POLK: variants seen among roughly 807,000 people sequenced by gnomAD.
The protein encoded by POLK is polymerase (DNA directed) kappa.
A neutral mutation model predicts 94.0 loss-of-function variants in POLK; 76 were observed. That is an observed-to-expected ratio of 0.81 (90% CI 0.67 to 0.98). The LOEUF (loss-of-function observed/expected upper bound fraction) is 0.98, where lower values mean the gene tolerates loss of function less well. POLK is among the 50% of genes least tolerant of loss of function. POLK has a pLI of 0.00. For synonymous variants in POLK, 349 were observed against 325.4 expected, an observed-to-expected ratio of 1.07 and a Z score of -0.78; for missense variants, 954 against 1,010.1, an observed-to-expected ratio of 0.94 and a Z score of 0.75.
intron 1 of POLK, among the ~76,000 whole-genome samples, chr5:75,534,507 G>A (rs568701428): frequency 1.3e-5 from 2 of 152,150 alleles, no homozygotes; most frequent in South Asian, 4.1e-4. Flanking sequence ...ATTGGGTTCT[G>A]TCCAAATATG....
intron 5 of POLK, among the ~76,000 whole-genome samples, chr5:75,575,391 G>A (rs1771821777): frequency 1.3e-5 from 2 of 152,104 alleles, no homozygotes; most frequent in African/African-American, 2.4e-5. Flanking sequence ...ATGTTGCTCA[G>A]GCTAGGCTTA....
rs535921422 is a variant in POLK at position 75,558,221 on chromosome 5, T to C, written c.255+5630T>C. The stretch of plus-strand genomic sequence containing the variant: ...ACTAGTTCCAGGAACAATATTCTTA[T>C]AATTTTTGTTGTTGTTTTTTTTTTT... On this transcript the variant is annotated intron_variant, in intron 3 of 14. Coordinates refer to ENST00000241436, the Ensembl canonical transcript of POLK. Among the ~76,000 whole-genome samples the C allele has an allele frequency of 7.2e-5, 11 of 151,856 alleles. No homozygotes were observed. In the East Asian group the frequency reaches 1.9e-3, roughly 27 times the overall value.
At chr5:75,541,902 T>C (rs1580971217) in intron 1 of POLK, among the ~76,000 whole-genome samples, 3 of 152,332 alleles carry the variant, frequency 2.0e-5, no homozygotes, top group Admixed American at 2.0e-4. Flanking sequence ...GTTAAAGTCT[T>C]GAATTGTGAT....
Position 75,511,805 on chromosome 5 carries a change from A to T in POLK, c.-123A>T, listed in dbSNP as rs1315326758. The T allele has an allele frequency of 3.2e-6, 5 of 1,551,412 alleles. No individual in the cohort carries two copies. The Admixed American group carries it at 9.8e-5, about 30-fold the overall frequency. ...ACGGGTAGAAAAGCAGGAGGAGCGG[A>T]GAAAGGAGAGGGCGGGGTAGGGATG... On this transcript the variant is annotated 5_prime_UTR_variant, in exon 1 of 15. Transcript: ENST00000241436.
At chr5:75,606,501 C>G in the POLK span, among the ~76,000 whole-genome samples, 13 of 99,020 alleles carry the variant, frequency 1.3e-4, no homozygotes, top group Non-Finnish European at 2.6e-4. Flanking sequence ...GTCCCTGCGG[C>G]CTTCCGCAGT....
intron 1 of POLK, among the ~76,000 whole-genome samples, chr5:75,539,461 G>A (rs1203053691): frequency 1.3e-5 from 2 of 152,028 alleles, no homozygotes; most frequent in African/African-American, 4.8e-5. Context: ...GGTAACAATC[G>A]CAATGTATGT....
At chr5:75,542,601 A>G (rs1442965811) in intron 1 of POLK, among the ~76,000 whole-genome samples, 3 of 150,626 alleles carry the variant, frequency 2.0e-5, no homozygotes, top group Non-Finnish European at 4.4e-5. Context: ...GTGTGTGTGT[A>G]TATACACATA....
chr5:75,552,579 A>G (rs1770387258), exon 3 of POLK: 3 of 1,609,536 alleles, frequency 1.9e-6, no homozygotes, highest in Non-Finnish European at 2.5e-6. Context: ...AGCTAAGAAA[A>G]GCACAATTAC....
At chr5:75,590,424 A>G (rs755891838) in exon 11 of POLK, 1 of 1,604,004 alleles carries the variant, frequency 6.2e-7, no homozygotes, top group Non-Finnish European at 8.5e-7. Context: ...CAGGATCTAC[A>G]GAAAGAAAGA....
At chr5:75,526,595 T>C (rs1231962925) in intron 1 of POLK, among the ~76,000 whole-genome samples, 1 of 150,406 alleles carries the variant, frequency 6.6e-6, no homozygotes, top group African/African-American at 2.4e-5. Context: ...TTTCTTTTTT[T>C]TTTGGAGACA....
chr5:75,550,585 A>G (rs2112653713), intron 2 of POLK, among the ~76,000 whole-genome samples: 1 of 152,276 alleles, frequency 6.6e-6, no homozygotes, highest in East Asian at 1.9e-4. Flanking sequence ...TCTCAGAAAA[A>G]GATAAAAAAA....
chr5:75,590,071 T>C (rs1403561581), intron 10 of POLK, among the ~76,000 whole-genome samples: 1 of 152,220 alleles, frequency 6.6e-6, no homozygotes, highest in Admixed American at 6.5e-5. Context: ...TACCATTATC[T>C]GTTGGTAATT....
intron 6 of POLK, among the ~76,000 whole-genome samples, chr5:75,577,872 T>TA (rs1219181005): frequency 2.0e-5 from 3 of 152,194 alleles, no homozygotes; most frequent in East Asian, 1.9e-4. Context: ...TCTTTTTTTT[T>TA]ATAGGAGCAT....
chr5:75,530,492 C>T (rs1237467376), intron 1 of POLK, among the ~76,000 whole-genome samples: 4 of 147,492 alleles, frequency 2.7e-5, no homozygotes, highest in East Asian at 2.0e-4. Context: ...GTAACCTCCA[C>T]CTCCCAGGTT....
At chr5:75,526,771 G>A (rs938182519) in intron 1 of POLK, among the ~76,000 whole-genome samples, 7 of 151,808 alleles carry the variant, frequency 4.6e-5, no homozygotes, top group African/African-American at 1.2e-4. Context: ...TAGTAGAGAC[G>A]TATTTTGCCA....
intron 1 of POLK, among the ~76,000 whole-genome samples, chr5:75,533,793 G>C (rs1173720269): frequency 6.6e-6 from 1 of 152,078 alleles, no homozygotes; most frequent in African/African-American, 2.4e-5. Flanking sequence ...TCTCATTGTA[G>C]AGCTATTTCA....
intron 3 of POLK, among the ~76,000 whole-genome samples, chr5:75,559,952 G>A (rs1278749910): frequency 6.6e-6 from 1 of 152,058 alleles, no homozygotes; most frequent in East Asian, 1.9e-4. Flanking sequence ...TAATAGAAAT[G>A]GGATATTTAT....
In POLK at chr5:75,590,457, TG is replaced by T. The variant is rs752895153; in HGVS notation, c.1356+19del. The T allele has an allele frequency of 1.4e-6, 2 of 1,454,572 alleles. No individual in the cohort carries two copies. The highest frequency in any genetic ancestry group is 9.6e-7 in the Non-Finnish European group (1 of 1,036,312). 90.1% of individuals were successfully genotyped at this position (1,454,572 alleles called of 1,614,324 possible). On this transcript the variant is annotated intron_variant, in intron 11 of 14. Transcript: ENST00000241436. ...AGACTTAAGGTGCTTTATTTTGATA[TG>T]GTGTCCTTAGTTTTTAAGTTTTTTA...
chr5:75,575,428 G>C (rs1771823355), intron 5 of POLK, among the ~76,000 whole-genome samples: 1 of 152,124 alleles, frequency 6.6e-6, no homozygotes, highest in South Asian at 2.1e-4. Context: ...AAATTATCCT[G>C]CCCAGGCCTC....
Sources: gnomAD v4.1 joint callset for allele counts (sites outside exome capture counted in the v4.1 genomes callset) on GRCh38, gnomAD v4.1.1 for gene constraint, MANE v1.5 for transcripts, NCBI Gene and HGNC (gene_info 2026-07-23, HGNC 2026-07-21) for gene names.